The following ITGAM variants were observed in gnomAD, a reference collection of about 807,000 sequenced individuals.
The protein encoded by ITGAM is integrin alpha-M.
A neutral mutation model predicts 137.5 loss-of-function variants in ITGAM; 79 were observed. The observed-to-expected ratio is 0.57, with a 90% CI of 0.48 to 0.69. The LOEUF (loss-of-function observed/expected upper bound fraction) is 0.69, where lower values mean the gene tolerates loss of function less well. ITGAM is among the 30% of genes least tolerant of loss of function. The probability of loss-of-function intolerance (pLI) is 0.00; values close to 1 mark genes in which losing one functional copy is unlikely to be tolerated. For synonymous variants in ITGAM, 583 were observed against 592.3 expected, an observed-to-expected ratio of 0.98 and a Z score of 0.23; for missense variants, 1,343 against 1,483.5, an observed-to-expected ratio of 0.91 and a Z score of 1.56.
intron 14 of ITGAM, among the ~76,000 whole-genome samples, chr16:31,308,312 T>C (rs1203011986): frequency 2.6e-5 from 4 of 152,330 alleles, no homozygotes; most frequent in Middle Eastern, 3.4e-3. Context: ...TATTAGTTAT[T>C]GCCTCAATTT....
At chr16:31,320,150 A>G (rs1382466327) in intron 14 of ITGAM, among the ~76,000 whole-genome samples, 1 of 151,992 alleles carries the variant, frequency 6.6e-6, no homozygotes, top group Non-Finnish European at 1.5e-5. Context: ...TTCTAAAGGT[A>G]TTTTCTTTGT....
intron 5 of ITGAM, among the ~76,000 whole-genome samples, chr16:31,266,582 G>A (rs2079770815): frequency 6.6e-6 from 1 of 151,718 alleles, no homozygotes; most frequent in Admixed American, 6.6e-5. Flanking sequence ...AATTAGCCAG[G>A]CGTGGTGGCA....
At chr16:31,290,560 C>T (rs772401765) in intron 12 of ITGAM, among the ~76,000 whole-genome samples, 17 of 152,092 alleles carry the variant, frequency 1.1e-4, no homozygotes, top group South Asian at 4.2e-4. Flanking sequence ...TACTCTCAGC[C>T]GACTAGGAAC....
chr16:31,286,220 T>C (rs1202656236), intron 12 of ITGAM, among the ~76,000 whole-genome samples: 1 of 152,196 alleles, frequency 6.6e-6, no homozygotes, highest in South Asian at 2.1e-4. Flanking sequence ...ATGGTGTATA[T>C]GTACCACATT....
chr16:31,329,588 T>C (rs4077810), intron 24 of ITGAM, among the ~76,000 whole-genome samples: 110,118 of 151,944 alleles, frequency 0.72, 40,868 homozygotes, highest in African/African-American at 0.88. Context: ...CAGAACAAGC[T>C]CGAGGTCTCC....
Position 31,330,128 on chromosome 16 carries a change from CGACT to C in ITGAM, c.3025_3028del (p.Asp1009PhefsTer11). Reference sequence around the variant, plus strand: ...CCAAGGAGCGCTTGCCCTCTCACTCCGACTTTCTGGCTGAGCTTCGGAAGGCCCC... The same window carrying C: ...CCAAGGAGCGCTTGCCCTCTCACTCCTTCTGGCTGAGCTTCGGAAGGCCCC... On this transcript the variant is annotated frameshift_variant, in exon 26 of 30. Transcript: ENST00000544665. LOFTEE classifies it high-confidence loss of function. 6.2e-7 allele frequency: 1 copy of C among 1,613,780 alleles called. No homozygotes were observed. Among genetic ancestry groups the C allele is most frequent in the Non-Finnish European group, 8.5e-7 (1 of 1,179,792 alleles).
intron 12 of ITGAM, among the ~76,000 whole-genome samples, chr16:31,285,166 G>T (rs1279479612): frequency 1.3e-5 from 2 of 152,148 alleles, no homozygotes; most frequent in Admixed American, 1.3e-4. Flanking sequence ...GAACGGAACA[G>T]AACAGGACAG....
intron 12 of ITGAM, among the ~76,000 whole-genome samples, chr16:31,291,993 A>C (rs1440817204): frequency 6.6e-6 from 1 of 152,160 alleles, no homozygotes; most frequent in East Asian, 1.9e-4. Context: ...CGGATATCCC[A>C]GTTACCCTGA....
chr16:31,275,831 C>T (rs2079901076), intron 9 of ITGAM, 132 bp downstream of exon 9: 1 of 775,104 alleles, frequency 1.3e-6, no homozygotes, highest in Non-Finnish European at 2.0e-6. Context: ...CTTCCTACAG[C>T]TCCCAGTCCC....
At chr16:31,331,498 C>T (rs371740303) in intron 29 of ITGAM, 138 bp from the exon 30 acceptor site, 3 of 681,130 alleles carry the variant, frequency 4.4e-6, no homozygotes, top group Non-Finnish European at 2.6e-6. Context: ...CAGGCCCCGA[C>T]GCGGATGTCA....
chr16:31,292,785 T>A (rs1334296876), intron 12 of ITGAM, among the ~76,000 whole-genome samples: 1 of 152,178 alleles, frequency 6.6e-6, no homozygotes, highest in African/African-American at 2.4e-5. Context: ...TCCCCAGTAA[T>A]GGGGTTGCTG....
intron 5 of ITGAM, among the ~76,000 whole-genome samples, chr16:31,270,705 A>G (rs1461171748): frequency 0.032 from 2,349 of 73,348 alleles, 62 homozygotes; most frequent in African/African-American, 0.12. Flanking sequence ...GTGTGTATAT[A>G]TATATATATA....
chr16:31,269,154 C>T (rs1362189583), intron 5 of ITGAM, among the ~76,000 whole-genome samples: 2 of 152,080 alleles, frequency 1.3e-5, no homozygotes, highest in East Asian at 1.9e-4. Context: ...TGTCTTCTTG[C>T]GTTCAGTTGG....
intron 12 of ITGAM, among the ~76,000 whole-genome samples, chr16:31,279,124 A>G (rs1389390421): frequency 6.6e-6 from 1 of 152,032 alleles, no homozygotes; most frequent in African/African-American, 2.4e-5. Flanking sequence ...CATTTTCTTA[A>G]TCCAGTCTAT....
chr16:31,288,013 T>G (rs942043353), intron 12 of ITGAM, among the ~76,000 whole-genome samples: 1 of 152,006 alleles, frequency 6.6e-6, no homozygotes, highest in Non-Finnish European at 1.5e-5. Context: ...CTGGGAGTTA[T>G]GAGAGCAAAT....
chr16:31,328,308 C>A, intron 23 of ITGAM, 78 bp downstream of exon 23: 1 of 1,083,890 alleles, frequency 9.2e-7, no homozygotes, highest in South Asian at 1.2e-5. Context: ...GTGCATGAGT[C>A]TGTGCATGTG....
chr16:31,279,455 C>T (rs947560988), intron 12 of ITGAM, among the ~76,000 whole-genome samples: 3 of 152,176 alleles, frequency 2.0e-5, no homozygotes, highest in East Asian at 3.9e-4. Flanking sequence ...TAGTATCTCA[C>T]TGTGATTTTG....
At chr16:31,326,609 GT>G (rs2080510762) in intron 21 of ITGAM, among the ~76,000 whole-genome samples, 1 of 152,044 alleles carries the variant, frequency 6.6e-6, no homozygotes. Flanking sequence ...TAGATACAGG[GT>G]TTTGCCATGT....
chr16:31,275,121 G>T (rs941971993), intron 8 of ITGAM, among the ~76,000 whole-genome samples: 8 of 152,074 alleles, frequency 5.3e-5, no homozygotes, highest in African/African-American at 1.9e-4. Flanking sequence ...ACAGCAGAGT[G>T]CTGGGGGAAA....
Sources: allele counts gnomAD v4.1 joint callset (sites outside exome capture counted in the v4.1 genomes callset), GRCh38; gene constraint gnomAD v4.1.1; transcripts MANE v1.5; gene names NCBI Gene and HGNC (gene_info 2026-07-23, HGNC 2026-07-21).